The following KLF8 variants were observed in gnomAD, a reference collection of about 807,000 sequenced individuals.
KLF8 encodes KLF transcription factor 8, also known as Krueppel-like factor 8.
In KLF8, 10 loss-of-function variants were observed where a neutral mutation model predicts 18.2. The ratio of observed to expected loss-of-function variants is 0.55; its 90% CI spans 0.34 to 0.93. The LOEUF is 0.93. KLF8 is among the 40% of genes least tolerant of loss of function. KLF8 has a pLI of 0.02. For synonymous variants in KLF8, 109 were observed against 97.3 expected (o/e 1.12, Z -0.71); for missense variants, 264 against 277.9 (o/e 0.95, Z 0.36).
intron 1 of KLF8, among the ~76,000 whole-genome samples, chrX:56,235,788 T>G (rs992083928): frequency 5.4e-5 from 6 of 112,006 alleles, no homozygotes; most frequent in African/African-American, 1.6e-4. Flanking sequence ...TCCTCATCTC[T>G]AAAATGACAT....
At chrX:56,145,387 T>A in the KLF8 span, among the ~76,000 whole-genome samples, 4,042 of 112,004 alleles carry the variant, frequency 0.036, 86 homozygotes, top group Non-Finnish European at 0.06. Flanking sequence ...TGTGGAAAAC[T>A]GTGGAAAATA....
chrX:55,942,705 C>T, the KLF8 span, among the ~76,000 whole-genome samples: 1 of 110,962 alleles, frequency 9.0e-6, no homozygotes, highest in Non-Finnish European at 1.9e-5. Flanking sequence ...CATCTTTAGG[C>T]TGGTTCCTAG....
At chrX:56,071,518 A>T in the KLF8 span, among the ~76,000 whole-genome samples, 1 of 112,181 alleles carries the variant, frequency 8.9e-6, no homozygotes, top group Non-Finnish European at 1.9e-5. Flanking sequence ...GAATGAGAAA[A>T]TTAATTTTGT....
At chrX:56,249,785 A>G (rs2066678964) in intron 1 of KLF8, among the ~76,000 whole-genome samples, 1 of 111,579 alleles carries the variant, frequency 9.0e-6, no homozygotes. Context: ...TGTTTTTATT[A>G]CCCCACCTGG....
chrX:56,018,136 C>T, the KLF8 span, among the ~76,000 whole-genome samples: 18 of 111,510 alleles, frequency 1.6e-4, no homozygotes, highest in South Asian at 4.9e-3. Context: ...CTTATTTCTT[C>T]TATCTAACTG....
chrX:56,160,155 T>A, the KLF8 span, among the ~76,000 whole-genome samples: 1 of 112,114 alleles, frequency 8.9e-6, no homozygotes, highest in Non-Finnish European at 1.9e-5. Flanking sequence ...AACCCTGTAG[T>A]CATTCAGGAG....
the KLF8 span, among the ~76,000 whole-genome samples, chrX:56,086,540 T>C: frequency 9.0e-6 from 1 of 111,275 alleles, no homozygotes; most frequent in Admixed American, 9.7e-5. Flanking sequence ...AAATAAGATC[T>C]AGTAAGCTTG....
chrX:56,135,712 A>G, the KLF8 span, among the ~76,000 whole-genome samples: 2 of 111,644 alleles, frequency 1.8e-5, no homozygotes, highest in East Asian at 2.8e-4. Context: ...ATAATAAAAT[A>G]AAATAAAATA....
the KLF8 span, among the ~76,000 whole-genome samples, chrX:56,050,782 G>T: frequency 3.6e-5 from 4 of 111,210 alleles, no homozygotes; most frequent in African/African-American, 1.3e-4. Context: ...TGTCTATTAG[G>T]TCCGCTTGGT....
chrX:56,132,388 T>C, the KLF8 span, among the ~76,000 whole-genome samples: 12 of 111,692 alleles, frequency 1.1e-4, no homozygotes, highest in African/African-American at 2.3e-4. Context: ...TGAAAGATCA[T>C]TGGATCAACA....
chrX:56,107,741 A>G, the KLF8 span, among the ~76,000 whole-genome samples: 1 of 111,221 alleles, frequency 9.0e-6, no homozygotes, highest in African/African-American at 3.3e-5. Context: ...CAGTCCCAAC[A>G]AGTCCCAGTG....
At chrX:56,203,283 C>A in the KLF8 span, among the ~76,000 whole-genome samples, 2 of 111,542 alleles carry the variant, frequency 1.8e-5, no homozygotes, top group African/African-American at 6.5e-5. Context: ...TAAGATTTTT[C>A]CCTATATTGT....
At chrX:56,219,140 C>A in the KLF8 span, among the ~76,000 whole-genome samples, 1 of 111,439 alleles carries the variant, frequency 9.0e-6, no homozygotes. Context: ...ATAGGCTCCA[C>A]GTTTGAATTT....
chrX:55,967,837 T>C, the KLF8 span, among the ~76,000 whole-genome samples: 294 of 111,712 alleles, frequency 2.6e-3, no homozygotes, highest in African/African-American at 9.1e-3. Context: ...TACAATAAGA[T>C]ATAAATGGAA....
the KLF8 span, among the ~76,000 whole-genome samples, chrX:55,965,877 G>A: frequency 1.8e-5 from 2 of 111,630 alleles, no homozygotes; most frequent in Non-Finnish European, 3.8e-5. Flanking sequence ...GCCTATTTTG[G>A]ACCTACTCTG....
chrX:56,114,661 ACTTC>A, the KLF8 span, among the ~76,000 whole-genome samples: 2 of 112,802 alleles, frequency 1.8e-5, no homozygotes, highest in Non-Finnish European at 3.7e-5. Context: ...AAATCAAATA[ACTTC>A]CTTGTTCTTT....
At chrX:55,908,760 G>A in the KLF8 span, 1 of 283,774 alleles carries the variant, frequency 3.5e-6, no homozygotes, top group East Asian at 5.0e-5. Context: ...AGGCCCCGGG[G>A]CTGGGAGGAG....
the KLF8 span, among the ~76,000 whole-genome samples, chrX:56,214,999 A>G: frequency 3.6e-5 from 4 of 112,458 alleles, no homozygotes; most frequent in Non-Finnish European, 1.9e-5. Context: ...AACTATTGCT[A>G]AATTATGTAC....
At chrX:56,163,743 A>T in the KLF8 span, among the ~76,000 whole-genome samples, 1 of 112,269 alleles carries the variant, frequency 8.9e-6, no homozygotes, top group African/African-American at 3.2e-5. Flanking sequence ...TTTTACATTT[A>T]AGTCTGTAAT....
Sources: allele counts gnomAD v4.1 joint callset (sites outside exome capture counted in the v4.1 genomes callset), GRCh38; gene constraint gnomAD v4.1.1; transcripts MANE v1.5; gene names NCBI Gene and HGNC (gene_info 2026-07-23, HGNC 2026-07-21).